SLC12A7: variants seen among roughly 807,000 people sequenced by gnomAD.
The protein encoded by SLC12A7 is solute carrier family 12 member 7, also known as K-Cl cotransporter 4.
A neutral mutation model predicts 120.6 loss-of-function variants in SLC12A7; 100 were observed. The observed-to-expected ratio is 0.83, with a 90% CI of 0.71 to 0.98. SLC12A7 has a LOEUF of 0.98. SLC12A7 is among the 50% of genes least tolerant of loss of function. SLC12A7 has a pLI of 0.00. For missense variants in SLC12A7, 1,373 were observed against 1,548.1 expected, an observed-to-expected ratio of 0.89 and a Z score of 1.90; for synonymous variants, 760 against 678.0, an observed-to-expected ratio of 1.12 and a Z score of -1.88.
chr5:1,095,891 G>A (rs1376473551), intron 1 of SLC12A7, among the ~76,000 whole-genome samples: 1 of 152,198 alleles, frequency 6.6e-6, no homozygotes, highest in Non-Finnish European at 1.5e-5. Flanking sequence ...CAGGTCCTTG[G>A]TGCGACCATG....
chr5:1,091,710 A>G (rs190487493), intron 3 of SLC12A7, among the ~76,000 whole-genome samples: 81 of 151,724 alleles, frequency 5.3e-4, no homozygotes, highest in African/African-American at 1.9e-3. Context: ...GCACACCACC[A>G]CCCAATTCCG....
intron 9 of SLC12A7, 26 bp downstream of exon 9, chr5:1,081,551 G>A (rs1739111317): frequency 1.3e-6 from 2 of 1,588,368 alleles, no homozygotes; most frequent in East Asian, 4.5e-5. Context: ...AGAAAGAGAA[G>A]GGGAAGCCTG....
upstream of SLC12A7, chr5:1,112,128 T>G: frequency 2.0e-6 from 2 of 1,011,216 alleles, no homozygotes; most frequent in Non-Finnish European, 2.5e-6. Flanking sequence ...CTTCACCTGC[T>G]TGCCCCGCGG....
chr5:1,054,323 C>T (rs368282279), intron 22 of SLC12A7, among the ~76,000 whole-genome samples: 5 of 152,250 alleles, frequency 3.3e-5, no homozygotes, highest in Non-Finnish European at 5.9e-5. Flanking sequence ...GGCCTGGGCC[C>T]GGCCACAGCC....
upstream of SLC12A7, among the ~76,000 whole-genome samples, chr5:1,112,270 C>A (rs2081931091): frequency 6.6e-6 from 1 of 151,106 alleles, no homozygotes; most frequent in South Asian, 2.1e-4. Flanking sequence ...CCCGCGAATC[C>A]CCGCTCAGTC....
the SLC12A7 span, among the ~76,000 whole-genome samples, chr5:1,151,339 G>A: frequency 2.0e-4 from 31 of 152,120 alleles, 1 homozygote; most frequent in Admixed American, 2.6e-4. The surrounding 1 kb of genome is among the most constrained non-coding windows in gnomAD (Gnocchi z 6.2). Context: ...GCCTGGCCTC[G>A]GCACACATCT....
chr5:1,056,615 C>T (rs1735639200), intron 22 of SLC12A7: 11 of 984,294 alleles, frequency 1.1e-5, no homozygotes, highest in Non-Finnish European at 1.2e-5. Context: ...GAGAAAAAAA[C>T]AAGAGTGTGT....
chr5:1,139,050 C>T, the SLC12A7 span, among the ~76,000 whole-genome samples: 2 of 133,472 alleles, frequency 1.5e-5, no homozygotes, highest in African/African-American at 6.5e-5. Flanking sequence ...GGGGTCGCCC[C>T]TCACCCAAGC....
chr5:1,141,064 A>G, the SLC12A7 span, among the ~76,000 whole-genome samples: 1 of 152,146 alleles, frequency 6.6e-6, no homozygotes, highest in Non-Finnish European at 1.5e-5. Flanking sequence ...CACACCACAG[A>G]CACGTCTCGA....
chr5:1,078,496 G>A, intron 11 of SLC12A7: 1 of 615,970 alleles, frequency 1.6e-6, no homozygotes, highest in Non-Finnish European at 2.9e-6. Flanking sequence ...GCTTGGAGTT[G>A]GCTCTGAACG....
chr5:1,073,620 C>T lies in SLC12A7; in HGVS notation c.2241+13G>A, dbSNP rs1737962454. On this transcript the variant is annotated intron_variant, in intron 17 of 23. Coordinates refer to ENST00000264930, the MANE Select transcript of SLC12A7 (RefSeq NM_006598.3). ...GGGAAAGAGGCCTGGCCCCCAGACC[C>T]CGCCCGGCCCACCTCCTCGGCCCGC... The T allele has an allele frequency of 1.3e-6, 2 of 1,595,996 alleles. No homozygotes were observed. Among genetic ancestry groups the T allele is most frequent in the East Asian group, 2.3e-5 (1 of 43,298 alleles).
Position 1,053,430 on chromosome 5 carries a change from C to T in SLC12A7, c.3079G>A (p.Val1027Ile), listed in dbSNP as rs370375362. 33 of 1,613,822 alleles carry T rather than the reference C, an allele frequency of 2.0e-5. No homozygotes were observed. Among genetic ancestry groups the T allele is most frequent in the East Asian group, 1.6e-4 (7 of 44,900 alleles). ...TGCGCATCCTGGGACTTGTTGAGGA[C>T]GACGCCATTGAGCTTCACAGCCGTG... ...MHTAVKLNGV[V>I]LNKSQDAQLV... The change falls in exon 23 of 24, where the codon GTC (valine) becomes ATC (isoleucine). Residue 1027 changes from valine (V) to isoleucine (I), a missense_variant. Coordinates refer to ENST00000264930, the MANE Select transcript of SLC12A7 (RefSeq NM_006598.3).
intron 17 of SLC12A7, among the ~76,000 whole-genome samples, chr5:1,065,931 G>A (rs991797911): frequency 3.3e-5 from 5 of 152,222 alleles, no homozygotes; most frequent in South Asian, 4.1e-4. Flanking sequence ...GGCGGGGGGC[G>A]GGGGTGGGGG....
In SLC12A7 at chr5:1,087,047, G is replaced by A. The variant is rs1293165668; in HGVS notation, c.545-14C>T. On this transcript the variant is annotated splice_polypyrimidine_tract_variant and intron_variant, in intron 5 of 23. Coordinates refer to ENST00000264930, the MANE Select transcript of SLC12A7 (RefSeq NM_006598.3). Reference sequence around the variant, plus strand: ...AGGACCCGCCAGCTGCGGAGACAAAGGCGGCAGCCGCGGGTCAGGGGCGCA... The same window carrying A: ...AGGACCCGCCAGCTGCGGAGACAAAAGCGGCAGCCGCGGGTCAGGGGCGCA... 6.2e-7 allele frequency: 1 copy of A among 1,607,644 alleles called. No homozygotes were observed. The highest frequency in any genetic ancestry group is 8.5e-7 in the Non-Finnish European group (1 of 1,176,956).
chr5:1,134,532 T>C, the SLC12A7 span, among the ~76,000 whole-genome samples: 1 of 151,970 alleles, frequency 6.6e-6, no homozygotes. Context: ...AAATGAATGC[T>C]GTAAGAATGT....
intron 9 of SLC12A7, among the ~76,000 whole-genome samples, chr5:1,080,479 G>A (rs1046505809): frequency 6.6e-6 from 1 of 152,236 alleles, no homozygotes; most frequent in Non-Finnish European, 1.5e-5. Context: ...GCTGTGGCCA[G>A]GCCCTGCAGC....
At position 1,050,973 on chromosome 5, in the gene SLC12A7, C is replaced by T; in HGVS notation, c.*1387G>A. On this transcript the variant is annotated 3_prime_UTR_variant, in exon 24 of 24. Coordinates refer to ENST00000264930, the MANE Select transcript of SLC12A7 (RefSeq NM_006598.3). The stretch of plus-strand genomic sequence containing the variant: ...AGCCAGACGTAGCCCAAGGCCTGGC[C>T]ATCTGGGGCCTCTAGTATATAGAAG... 2.5e-6 allele frequency: 1 copy of T among 398,660 alleles called. No individual in the cohort carries two copies. Among genetic ancestry groups the T allele is most frequent in the Non-Finnish European group, 4.4e-6 (1 of 226,074 alleles). The allele number at this position is 398,660 out of a possible 1,614,324, so 24.7% of individuals were successfully genotyped here.
In SLC12A7 at chr5:1,051,654, G is replaced by C. The variant is rs1476590402; in HGVS notation, c.*706C>G. ...GGCCCCTTCCCGGAGCGTAGGCCCT[G>C]ATGAACTGAACGTGTTCACCACACA... On this transcript the variant is annotated 3_prime_UTR_variant, in exon 24 of 24. Coordinates refer to ENST00000264930, the MANE Select transcript of SLC12A7 (RefSeq NM_006598.3). The C allele has an allele frequency of 6.6e-6, 1 of 152,346 alleles. No homozygotes were observed. The highest frequency in any genetic ancestry group is 1.5e-5 in the Non-Finnish European group (1 of 68,138). The allele number at this position is 152,346 out of a possible 1,614,324, so 9.4% of individuals were successfully genotyped here.
In SLC12A7 at chr5:1,087,781, C is replaced by T. The variant is rs558799926; in HGVS notation, c.544+525G>A. ...CAGCGTCTCCGTTCACTAGTTATTTCGTATCGTAATTCGTTTATTACTAAT... is the reference window on the plus strand; with the variant it reads ...CAGCGTCTCCGTTCACTAGTTATTTTGTATCGTAATTCGTTTATTACTAAT... On this transcript the variant is annotated intron_variant, in intron 5 of 23. Transcript: ENST00000264930. Among the ~76,000 whole-genome samples the T allele has an allele frequency of 3.9e-4, 60 of 152,336 alleles. 2 individuals carry two copies. The South Asian group carries it at 0.012, about 31-fold the overall frequency.
Sources: gnomAD v4.1 joint callset for allele counts (sites outside exome capture counted in the v4.1 genomes callset) on GRCh38, gnomAD v4.1.1 for gene constraint, Gnocchi (gnomAD v3.1) non-coding constraint, MANE v1.5 for transcripts, NCBI Gene and HGNC (gene_info 2026-07-23, HGNC 2026-07-21) for gene names.